The following PHF24 variants were observed in gnomAD, a reference collection of about 807,000 sequenced individuals.
PHF24 encodes Galpha inhibitory interacting protein.
Under a neutral mutation model 42.6 loss-of-function variants are expected in PHF24, and 25 were observed. That is an observed-to-expected ratio of 0.59 (90% CI 0.43 to 0.82). PHF24 has a LOEUF of 0.82. Among genes scored for constraint, PHF24 ranks in the 40% least tolerant of loss-of-function variants. The pLI is 0.00. For synonymous variants in PHF24, 185 were observed against 204.8 expected, an observed-to-expected ratio of 0.90 and a Z score of 0.83; for missense variants, 470 against 538.1, an observed-to-expected ratio of 0.87 and a Z score of 1.25.
At chr9:34,759,894 G>A in the PHF24 span, among the ~76,000 whole-genome samples, 4 of 152,126 alleles carry the variant, frequency 2.6e-5, no homozygotes, top group Admixed American at 6.5e-5. Flanking sequence ...CTTTTTGCAG[G>A]GTAGGCCTTT....
chr9:34,822,491 A>G, the PHF24 span, among the ~76,000 whole-genome samples: 9 of 152,258 alleles, frequency 5.9e-5, no homozygotes, highest in Admixed American at 1.3e-4. Context: ...GACTAATTTC[A>G]GAGTATCTTC....
chr9:34,772,431 A>G, the PHF24 span, among the ~76,000 whole-genome samples: 2 of 152,230 alleles, frequency 1.3e-5, no homozygotes, highest in Admixed American at 6.5e-5. Flanking sequence ...GTTTGAACCT[A>G]AAAGGCTAAG....
chr9:34,759,726 T>C, the PHF24 span, among the ~76,000 whole-genome samples: 1 of 152,198 alleles, frequency 6.6e-6, no homozygotes, highest in Non-Finnish European at 1.5e-5. Context: ...CACCTGCTCC[T>C]GCCGGTGCAC....
the PHF24 span, among the ~76,000 whole-genome samples, chr9:34,705,807 T>G: frequency 6.6e-6 from 1 of 152,178 alleles, no homozygotes; most frequent in Non-Finnish European, 1.5e-5. Flanking sequence ...CTCATGGCTG[T>G]AATCCCAGCA....
the PHF24 span, among the ~76,000 whole-genome samples, chr9:34,857,611 G>A: frequency 2.0e-5 from 3 of 152,188 alleles, no homozygotes; most frequent in Non-Finnish European, 4.4e-5. Flanking sequence ...CTCACTATCT[G>A]TGGGGTTGAG....
At chr9:34,797,155 G>C in the PHF24 span, among the ~76,000 whole-genome samples, 1 of 152,146 alleles carries the variant, frequency 6.6e-6, no homozygotes, top group Non-Finnish European at 1.5e-5. Flanking sequence ...GTGCCCAGCT[G>C]CTTAAACCTC....
chr9:34,786,571 T>G, the PHF24 span, among the ~76,000 whole-genome samples: 53 of 152,220 alleles, frequency 3.5e-4, no homozygotes, highest in Non-Finnish European at 6.8e-4. Flanking sequence ...AATTTCACAC[T>G]CCTACATTTC....
upstream of PHF24, among the ~76,000 whole-genome samples, chr9:34,957,112 A>G (rs533030345): frequency 6.6e-6 from 1 of 152,330 alleles, no homozygotes; most frequent in South Asian, 2.1e-4. Context: ...ACCATTTAGA[A>G]TAGTACCTGG....
At chr9:34,750,058 C>G in the PHF24 span, among the ~76,000 whole-genome samples, 5 of 152,188 alleles carry the variant, frequency 3.3e-5, no homozygotes, top group South Asian at 1.0e-3. Flanking sequence ...TTCATCAATA[C>G]CAGACCTGTC....
chr9:34,978,579 A>T (rs1827287155), exon 8 of PHF24: 1 of 156,632 alleles, frequency 6.4e-6, no homozygotes, highest in Non-Finnish European at 1.4e-5. Flanking sequence ...GGAAGGGGGC[A>T]TGTCAGACTC....
chr9:34,703,201 G>T, the PHF24 span, among the ~76,000 whole-genome samples: 1 of 151,630 alleles, frequency 6.6e-6, no homozygotes, highest in Non-Finnish European at 1.5e-5. Flanking sequence ...TTGAGACGGA[G>T]TCTTGCTCTG....
chr9:34,762,090 C>T, the PHF24 span, among the ~76,000 whole-genome samples: 8 of 152,060 alleles, frequency 5.3e-5, no homozygotes, highest in Admixed American at 3.9e-4. Flanking sequence ...TTAATCCAGT[C>T]TATCATTGTT....
the PHF24 span, among the ~76,000 whole-genome samples, chr9:34,738,653 C>A: frequency 6.6e-6 from 1 of 152,174 alleles, no homozygotes; most frequent in Non-Finnish European, 1.5e-5. Context: ...GCCTAGACTT[C>A]TTTACATCTA....
At chr9:34,729,307 C>T in the PHF24 span, 2 of 1,552,004 alleles carry the variant, frequency 1.3e-6, no homozygotes, top group Admixed American at 2.0e-5. Flanking sequence ...CTTTTAGGTT[C>T]TGAACTCAAT....
chr9:34,723,038 C>A, the PHF24 span: 177,413 of 708,848 alleles, frequency 0.25, 25,119 homozygotes, highest in Non-Finnish European at 0.3. Flanking sequence ...AGACAAGGAG[C>A]AGACAGACAA....
the PHF24 span, among the ~76,000 whole-genome samples, chr9:34,937,221 G>A: frequency 6.6e-6 from 1 of 152,232 alleles, no homozygotes. Flanking sequence ...GGAAAGGTGG[G>A]GAAAAGATTG....
the PHF24 span, among the ~76,000 whole-genome samples, chr9:34,772,801 T>G: frequency 1.3e-5 from 2 of 152,196 alleles, no homozygotes; most frequent in Admixed American, 1.3e-4. Context: ...CAGTTGGCAA[T>G]ACCAGTATAA....
At chr9:34,809,050 T>TA in the PHF24 span, among the ~76,000 whole-genome samples, 4,213 of 117,330 alleles carry the variant, frequency 0.036, 125 homozygotes, top group East Asian at 0.19. The surrounding 1 kb of genome is among the most constrained non-coding windows in gnomAD (Gnocchi z 4.1). Context: ...AAAAAAAAAA[T>TA]AATAAATAAA....
the PHF24 span, among the ~76,000 whole-genome samples, chr9:34,855,970 C>T: frequency 6.6e-6 from 1 of 152,120 alleles, no homozygotes; most frequent in Non-Finnish European, 1.5e-5. Context: ...TCATACATTC[C>T]TTTTCATTCT....
Sources: allele counts gnomAD v4.1 joint callset (sites outside exome capture counted in the v4.1 genomes callset), GRCh38; gene constraint gnomAD v4.1.1; non-coding constraint Gnocchi (gnomAD v3.1); transcripts MANE v1.5; gene names NCBI Gene and HGNC (gene_info 2026-07-23, HGNC 2026-07-21).